NKAIN2: variants seen among roughly 807,000 people sequenced by gnomAD.
The protein encoded by NKAIN2 is sodium/potassium-transporting ATPase subunit beta-1-interacting protein 2.
NKAIN2 carries 14 observed loss-of-function variants against 32.6 expected under a neutral mutation model. The observed-to-expected ratio is 0.43, with a 90% CI of 0.28 to 0.67. The LOEUF (loss-of-function observed/expected upper bound fraction) is 0.67. Ranked by LOEUF, NKAIN2 falls within the 30% of genes least tolerant of loss-of-function variation. The pLI is 0.17. For missense variants in NKAIN2, 198 were observed against 258.3 expected, an observed-to-expected ratio of 0.77 and a Z score of 1.60; for synonymous variants, 80 against 87.2, an observed-to-expected ratio of 0.92 and a Z score of 0.46.
Position 124,664,793 on chromosome 6 carries a change from C to CAAA in NKAIN2, c.474+6443_474+6445dup, listed in dbSNP as rs57032378. On this transcript the variant is annotated intron_variant, in intron 4 of 6. Coordinates refer to ENST00000368417, the MANE Select transcript of NKAIN2 (RefSeq NM_001040214.3). The stretch of plus-strand genomic sequence containing the variant: ...TGGGCGACAGAGCGAGACTCCGTCT[C>CAAA]AAAAAAAAAAAAAAAAAAAAAAAAA... Among the ~76,000 whole-genome samples, 44 of 40,804 alleles carry CAAA rather than the reference C, an allele frequency of 1.1e-3. 4 individuals are homozygous for CAAA. Among genetic ancestry groups the CAAA allele is most frequent in the Non-Finnish European group, 1.3e-3 (32 of 24,492 alleles). The allele number at this position is 40,804 out of a possible 152,430, so 26.8% of individuals were successfully genotyped here. A position where few individuals can be genotyped will look rare whatever the true frequency, so the allele number is the denominator to read the frequency against.
chr6:124,556,316 G>A (rs1354344290), intron 3 of NKAIN2, among the ~76,000 whole-genome samples: 2 of 152,088 alleles, frequency 1.3e-5, no homozygotes, highest in African/African-American at 4.8e-5. Context: ...AGGGTGCTGT[G>A]GTTTAAATGT....
At chr6:124,028,527 T>C (rs1220798924) in intron 1 of NKAIN2, among the ~76,000 whole-genome samples, 5 of 151,188 alleles carry the variant, frequency 3.3e-5, no homozygotes, top group African/African-American at 7.3e-5. Context: ...AAACTTAAAG[T>C]ATAATAATAA....
At chr6:123,865,990 A>G (rs1489039377) in intron 1 of NKAIN2, among the ~76,000 whole-genome samples, 1 of 152,262 alleles carries the variant, frequency 6.6e-6, no homozygotes, top group Non-Finnish European at 1.5e-5. Context: ...TTGTGAAATG[A>G]TAGAAAATGC....
Position 123,849,964 on chromosome 6 carries a change from TTG to T in NKAIN2, c.54+45712_54+45713del, listed in dbSNP as rs765708008. 2.4e-3 allele frequency among the ~76,000 whole-genome samples: 45 copies of T among 18,784 alleles called. 2 individuals carry two copies. Among genetic ancestry groups the T allele is most frequent in the Admixed American group, 3.4e-3 (2 of 584 alleles). The allele number at this position is 18,784 out of a possible 152,430, so 12.3% of individuals were successfully genotyped here. A position where few individuals can be genotyped will look rare whatever the true frequency, so the allele number is the denominator to read the frequency against. ...ACTCAGGCTGGTTTTTTTTTTTTGT[TTG>T]TTTGTTTTTTTTTTAACTTTCTGTG... On this transcript the variant is annotated intron_variant, in intron 1 of 6. Transcript: ENST00000368417.
chr6:124,109,868 T>A (rs1269806505), intron 1 of NKAIN2, among the ~76,000 whole-genome samples: 1 of 152,106 alleles, frequency 6.6e-6, no homozygotes, highest in African/African-American at 2.4e-5. Flanking sequence ...CCTGTGATTT[T>A]TATCCTTTAT....
intron 4 of NKAIN2, among the ~76,000 whole-genome samples, chr6:124,713,108 A>G (rs1775582563): frequency 6.6e-6 from 1 of 152,174 alleles, no homozygotes; most frequent in African/African-American, 2.4e-5. Flanking sequence ...AGTGTTGCCT[A>G]CATATAAAGC....
At chr6:124,166,299 G>C (rs1281578067) in intron 1 of NKAIN2, among the ~76,000 whole-genome samples, 1 of 151,598 alleles carries the variant, frequency 6.6e-6, no homozygotes, top group Non-Finnish European at 1.5e-5. Context: ...GTGTTTTTTG[G>C]CTGCATAAAT....
intron 3 of NKAIN2, among the ~76,000 whole-genome samples, chr6:124,499,624 C>T (rs1345604461): frequency 6.6e-6 from 1 of 152,038 alleles, no homozygotes; most frequent in African/African-American, 2.4e-5. Flanking sequence ...TATGCATTTT[C>T]ACAAGACTTT....
chr6:124,410,950 T>G (rs1312844426), intron 3 of NKAIN2, among the ~76,000 whole-genome samples: 1 of 152,110 alleles, frequency 6.6e-6, no homozygotes, highest in Non-Finnish European at 1.5e-5. Flanking sequence ...CTTCTTTGTC[T>G]CTTTTGATCT....
chr6:124,089,665 C>A (rs1484004531), intron 1 of NKAIN2, among the ~76,000 whole-genome samples: 1 of 151,938 alleles, frequency 6.6e-6, no homozygotes, highest in Non-Finnish European at 1.5e-5. Flanking sequence ...CGGGTGCCTA[C>A]CTCTCTCCCT....
intron 3 of NKAIN2, among the ~76,000 whole-genome samples, chr6:124,399,758 A>T (rs913351500): frequency 3.3e-5 from 5 of 152,204 alleles, no homozygotes; most frequent in African/African-American, 1.2e-4. Context: ...TATTAGGTAC[A>T]ATTAATGGTT....
intron 3 of NKAIN2, among the ~76,000 whole-genome samples, chr6:124,448,998 A>G (rs1374352224): frequency 6.6e-6 from 1 of 152,138 alleles, no homozygotes; most frequent in Admixed American, 6.6e-5. Flanking sequence ...CATCATAAGT[A>G]AGTGAAAATA....
At position 124,576,688 on chromosome 6, in the gene NKAIN2, T is replaced by TA. The variant is rs577809425; in HGVS notation, c.274-81489dup. ...CCAGATAGACCAATAAATTTCAATG[T>TA]AAAAAAAAACAATGAAAAGTTCACT... is the stretch of plus-strand genomic sequence containing the variant. On this transcript the variant is annotated intron_variant, in intron 3 of 6. Coordinates refer to ENST00000368417, the MANE Select transcript of NKAIN2 (RefSeq NM_001040214.3). 4.7e-3 allele frequency among the ~76,000 whole-genome samples: 719 copies of TA among 151,506 alleles called. 8 individuals are homozygous for TA. Among genetic ancestry groups the TA allele is most frequent in the African/African-American group, 0.016 (666 of 41,270 alleles).
chr6:124,612,653 A>G (rs1782736328), intron 3 of NKAIN2, among the ~76,000 whole-genome samples: 1 of 152,190 alleles, frequency 6.6e-6, no homozygotes, highest in African/African-American at 2.4e-5. Context: ...TTCTTTGCCT[A>G]TAAAATGAAA....
chr6:123,866,519 C>T (rs1297133365), intron 1 of NKAIN2, among the ~76,000 whole-genome samples: 1 of 152,124 alleles, frequency 6.6e-6, no homozygotes, highest in Non-Finnish European at 1.5e-5. Context: ...CAAGCTCCGC[C>T]TCCTGGATTC....
intron 1 of NKAIN2, among the ~76,000 whole-genome samples, chr6:124,032,960 A>G (rs947614709): frequency 6.6e-6 from 1 of 152,098 alleles, no homozygotes; most frequent in African/African-American, 2.4e-5. Context: ...AAAAAAAATC[A>G]ATAAAGTGCC....
At chr6:123,956,941 G>C (rs1777620590) in intron 1 of NKAIN2, among the ~76,000 whole-genome samples, 1 of 152,176 alleles carries the variant, frequency 6.6e-6, no homozygotes, top group South Asian at 2.1e-4. Flanking sequence ...TAACTTTTAA[G>C]TTCAGGAGTA....
chr6:124,791,325 C>T lies in NKAIN2; in HGVS notation c.475-14C>T. On this transcript the variant is annotated splice_polypyrimidine_tract_variant and intron_variant, in intron 4 of 6. Transcript: ENST00000368417. ...CCTTTTTCTGATGTCTAAAGCATCT[C>T]TGTTTTGTTTCAGCTGGCAGGTTTC... 6.2e-7 allele frequency: 1 copy of T among 1,604,304 alleles called. No individual in the cohort carries two copies. The highest frequency in any genetic ancestry group is 8.5e-7 in the Non-Finnish European group (1 of 1,172,532).
chr6:123,986,694 T>A (rs568768311), intron 1 of NKAIN2, among the ~76,000 whole-genome samples: 1 of 152,286 alleles, frequency 6.6e-6, no homozygotes, highest in African/African-American at 2.4e-5. Context: ...TATTCCCAGG[T>A]AATTCCCATT....
Sources: allele counts gnomAD v4.1 joint callset (sites outside exome capture counted in the v4.1 genomes callset), GRCh38; gene constraint gnomAD v4.1.1; transcripts MANE v1.5; gene names NCBI Gene and HGNC (gene_info 2026-07-23, HGNC 2026-07-21).